Variants in TMEM245 observed in about 807,000 individuals in gnomAD.
TMEM245 encodes transmembrane protein 245, also known as protein CG-2.
TMEM245 carries 69 observed loss-of-function variants against 101.2 expected under a neutral mutation model. The ratio of observed to expected loss-of-function variants is 0.68; its 90% CI spans 0.56 to 0.83. TMEM245 has a LOEUF of 0.83. Ranked by LOEUF, TMEM245 falls within the 40% of genes least tolerant of loss-of-function variation. The pLI is 0.00. For synonymous variants in TMEM245, 537 were observed against 449.8 expected, an observed-to-expected ratio of 1.19 and a Z score of -2.45; for missense variants, 1,075 against 1,092.8, an observed-to-expected ratio of 0.98 and a Z score of 0.23.
chr9:109,055,071 T>C (rs977762352), intron 12 of TMEM245, among the ~76,000 whole-genome samples: 4 of 152,246 alleles, frequency 2.6e-5, no homozygotes, highest in Admixed American at 2.6e-4. Context: ...CTGCCTCTTC[T>C]CTTTCCGTAA....
intron 12 of TMEM245, among the ~76,000 whole-genome samples, chr9:109,051,295 A>AACACACAC (rs67093439): frequency 0.056 from 7,528 of 135,120 alleles, 333 homozygotes; most frequent in African/African-American, 0.11. Context: ...TCTGTCTCAA[A>AACACACAC]ACACACACAC....
At chr9:109,084,073 T>G (rs902242085) in intron 7 of TMEM245, among the ~76,000 whole-genome samples, 2 of 125,006 alleles carry the variant, frequency 1.6e-5, no homozygotes, top group African/African-American at 6.1e-5. Flanking sequence ...AGTGAGATCC[T>G]GTCTCAAATT....
rs1830487354 is a variant in TMEM245, at chr9:109,108,486, T to C, written c.664A>G (p.Ile222Val). ...AAAAGCAATATAATCCAGACAGGAA[T>C]TGAAACTGCTCTCAAGTAGCGTTCA... ...STERYLRAVSIPVWIILLFHL... is the reference protein window; with the variant it reads ...STERYLRAVSVPVWIILLFHL... Residue 222 changes from isoleucine to valine, a missense_variant, in exon 2 of 18, where the codon ATT becomes GTT. Transcript: ENST00000374586. 1 of 1,596,288 alleles carries C rather than the reference T, an allele frequency of 6.3e-7. No individual in the cohort carries two copies. The highest frequency in any genetic ancestry group is 8.5e-7 in the Non-Finnish European group (1 of 1,172,720).
At chr9:109,107,457 A>G (rs1284469114) in intron 2 of TMEM245, among the ~76,000 whole-genome samples, 2 of 150,426 alleles carry the variant, frequency 1.3e-5, no homozygotes, top group African/African-American at 2.4e-5. Context: ...ACCCATAACC[A>G]TTTCCCTGAG....
chr9:109,106,645 TA>T, intron 2 of TMEM245, 36 bp from the exon 3 acceptor site: 1 of 1,489,822 alleles, frequency 6.7e-7, no homozygotes, highest in South Asian at 1.2e-5. Context: ...TTTAGTGAAA[TA>T]AAAACCTAGT....
At chr9:109,113,346 T>C (rs1830621416) in intron 1 of TMEM245, among the ~76,000 whole-genome samples, 1 of 152,246 alleles carries the variant, frequency 6.6e-6, no homozygotes, top group Admixed American at 6.5e-5. Flanking sequence ...ACTTTATATA[T>C]GTTTAGCCTC....
At chr9:109,101,069 A>G (rs1830270766) in intron 3 of TMEM245, among the ~76,000 whole-genome samples, 1 of 152,114 alleles carries the variant, frequency 6.6e-6, no homozygotes, top group South Asian at 2.1e-4. Context: ...CTATGGTCAC[A>G]CCACCACTGC....
chr9:109,028,838 G>A (rs996870108), intron 17 of TMEM245, among the ~76,000 whole-genome samples: 1 of 152,116 alleles, frequency 6.6e-6, no homozygotes, highest in African/African-American at 2.4e-5. Flanking sequence ...AATGAATTAT[G>A]CCAACAACAG....
At chr9:109,083,925 A>AAAAAAAAAAC (rs1554725114) in intron 7 of TMEM245, among the ~76,000 whole-genome samples, 2 of 140,876 alleles carry the variant, frequency 1.4e-5, no homozygotes, top group East Asian at 2.3e-4. Context: ...AAAAAAAAAA[A>AAAAAAAAAAC]AAAACACCAG....
At chr9:109,088,667 A>C (rs1829911516) in intron 5 of TMEM245, among the ~76,000 whole-genome samples, 1 of 152,016 alleles carries the variant, frequency 6.6e-6, no homozygotes, top group Non-Finnish European at 1.5e-5. Flanking sequence ...AATACAAAAA[A>C]TTAGCCAGGC....
intron 10 of TMEM245, 149 bp downstream of exon 10, chr9:109,064,328 A>C: frequency 1.5e-6 from 1 of 683,132 alleles, no homozygotes; most frequent in South Asian, 1.9e-5. Context: ...GTGATCTTTC[A>C]AAAGATTTCA....
intron 14 of TMEM245, among the ~76,000 whole-genome samples, chr9:109,049,038 G>C (rs1376725848): frequency 6.6e-6 from 1 of 152,218 alleles, no homozygotes; most frequent in East Asian, 1.9e-4. Flanking sequence ...TGACAGCAGA[G>C]GGTTCTGAAA....
At chr9:109,116,231 A>G (rs1424423413) in intron 1 of TMEM245, among the ~76,000 whole-genome samples, 1 of 152,236 alleles carries the variant, frequency 6.6e-6, no homozygotes, top group East Asian at 1.9e-4. Context: ...CCTAGAAAGC[A>G]TAAAGACCAT....
intron 12 of TMEM245, among the ~76,000 whole-genome samples, chr9:109,056,820 TAGG>T (rs1336849925): frequency 6.6e-6 from 1 of 152,132 alleles, no homozygotes; most frequent in Non-Finnish European, 1.5e-5. Context: ...TGATGCATGG[TAGG>T]AGGTTAGGTG....
At chr9:109,101,830 T>TC (rs2132619031) in intron 3 of TMEM245, among the ~76,000 whole-genome samples, 1 of 152,310 alleles carries the variant, frequency 6.6e-6, no homozygotes, top group Admixed American at 6.5e-5. Flanking sequence ...GTCTTCTTTT[T>TC]CCCCTTGCTC....
At chr9:109,057,925 CTTT>C (rs35332085) in intron 11 of TMEM245, among the ~76,000 whole-genome samples, 1 of 112,738 alleles carries the variant, frequency 8.9e-6, no homozygotes. Flanking sequence ...CATTTACTTT[CTTT>C]TTTTTTTTTT....
At chr9:109,022,340 C>G (rs764589306) in intron 17 of TMEM245, among the ~76,000 whole-genome samples, 1 of 152,148 alleles carries the variant, frequency 6.6e-6, no homozygotes, top group African/African-American at 2.4e-5. Context: ...CATGAATACA[C>G]CAACCATTTT....
chr9:109,062,014 GT>G (rs1168636251), intron 10 of TMEM245, among the ~76,000 whole-genome samples: 1 of 150,658 alleles, frequency 6.6e-6, no homozygotes, highest in African/African-American at 2.4e-5. Flanking sequence ...TTTTTGTTTT[GT>G]TTTTTTTGAG....
intron 17 of TMEM245, among the ~76,000 whole-genome samples, chr9:109,026,082 T>C (rs2132283208): frequency 6.6e-6 from 1 of 152,356 alleles, no homozygotes; most frequent in African/African-American, 2.4e-5. Flanking sequence ...AGCCAAGCCC[T>C]TTCAGAGCTC....
Sources: allele counts gnomAD v4.1 joint callset (sites outside exome capture counted in the v4.1 genomes callset), GRCh38; gene constraint gnomAD v4.1.1; transcripts MANE v1.5; gene names NCBI Gene and HGNC (gene_info 2026-07-23, HGNC 2026-07-21).